Variants in CTNNA2 observed in about 807,000 individuals in gnomAD.
CTNNA2 encodes the protein catenin alpha 2, also known as catenin alpha-2.
CTNNA2 carries 42 observed loss-of-function variants against 101.0 expected under a neutral mutation model. That is an observed-to-expected ratio of 0.42 (90% CI 0.32 to 0.54). The LOEUF (loss-of-function observed/expected upper bound fraction) is 0.54. Among genes scored for constraint, CTNNA2 ranks in the 20% least tolerant of loss-of-function variants. CTNNA2 has a pLI of 0.14. For synonymous variants in CTNNA2, 450 were observed against 456.4 expected (o/e 0.99, Z 0.18); for missense variants, 871 against 1,223.1 (o/e 0.71, Z 4.29).
At chr2:80,419,015 T>C (rs1423927721) in intron 8 of CTNNA2, among the ~76,000 whole-genome samples, 1 of 152,222 alleles carries the variant, frequency 6.6e-6, no homozygotes, top group Non-Finnish European at 1.5e-5. Context: ...GGCAGGAGAC[T>C]GCACAGTGGC....
chr2:80,449,964 T>A (rs1488857946), intron 9 of CTNNA2, among the ~76,000 whole-genome samples: 1 of 152,254 alleles, frequency 6.6e-6, no homozygotes, highest in Non-Finnish European at 1.5e-5. Context: ...TGATTGTGGT[T>A]GAATTTCCTG....
chr2:80,208,000 A>G (rs940905130), intron 7 of CTNNA2, among the ~76,000 whole-genome samples: 2 of 152,228 alleles, frequency 1.3e-5, no homozygotes, highest in South Asian at 2.1e-4. Context: ...AGATGAAATA[A>G]GAACTGAAAT....
In CTNNA2 at chr2:80,239,510, TA is replaced by T. The variant is rs112850671; in HGVS notation, c.1057-153700del. 7.7e-3 allele frequency among the ~76,000 whole-genome samples: 1,180 copies of T among 152,300 alleles called. 19 individuals carry two copies. Among genetic ancestry groups the T allele is most frequent in the African/African-American group, 0.027 (1,112 of 41,548 alleles). The stretch of plus-strand genomic sequence containing the variant: ...AAGCCCCGCAGTGGAGGTCTAATAG[TA>T]CACTGTTTTTTTTCTATACACTATT... On this transcript the variant is annotated intron_variant, in intron 7 of 18. Coordinates refer to ENST00000402739, the MANE Select transcript of CTNNA2 (RefSeq NM_001282597.3).
At chr2:80,600,672 AT>A (rs1480906361) in intron 15 of CTNNA2, among the ~76,000 whole-genome samples, 1 of 152,178 alleles carries the variant, frequency 6.6e-6, no homozygotes, top group Non-Finnish European at 1.5e-5. Context: ...AAGTAAATAC[AT>A]TTTAACGTCT....
intron 4 of CTNNA2, among the ~76,000 whole-genome samples, chr2:79,468,902 C>T (rs1255394937): frequency 6.6e-6 from 1 of 152,146 alleles, no homozygotes. Context: ...AAATTTATAG[C>T]ACTAAATACC....
chr2:79,374,574 T>C (rs1677944212), intron 4 of CTNNA2, among the ~76,000 whole-genome samples: 1 of 152,186 alleles, frequency 6.6e-6, no homozygotes, highest in Non-Finnish European at 1.5e-5. Flanking sequence ...TCTATTATTC[T>C]GAGCAATAGA....
intron 7 of CTNNA2, among the ~76,000 whole-genome samples, chr2:80,350,582 C>T (rs934366357): frequency 1.3e-5 from 2 of 152,146 alleles, no homozygotes; most frequent in African/African-American, 4.8e-5. Context: ...TTGAATGAAC[C>T]TCTCCAAGTA....
In CTNNA2 at chr2:79,949,933, T is replaced by C. The variant is rs137877292; in HGVS notation, c.1056+40136T>C. On this transcript the variant is annotated intron_variant, in intron 7 of 18. Transcript: ENST00000402739. ...TATATTAACTGTAATTGTTGGAGGA[T>C]TGATTTTTTTCTGAACGTTTATAGA... Among the ~76,000 whole-genome samples the C allele has an allele frequency of 2.0e-5, 3 of 152,336 alleles. No individual in the cohort carries two copies. In the East Asian group the frequency reaches 5.8e-4, roughly 29 times the overall value.
chr2:80,180,844 G>C (rs1705732547), intron 7 of CTNNA2, among the ~76,000 whole-genome samples: 1 of 152,072 alleles, frequency 6.6e-6, no homozygotes, highest in African/African-American at 2.4e-5. Flanking sequence ...GCTCACAGTG[G>C]CTTTTGATCT....
chr2:79,850,629 G>A (rs1029081978), intron 3 of CTNNA2, among the ~76,000 whole-genome samples: 2 of 152,116 alleles, frequency 1.3e-5, no homozygotes, highest in Non-Finnish European at 2.9e-5. Flanking sequence ...AGGATAGACC[G>A]CAGAGCCAGA....
intron 9 of CTNNA2, among the ~76,000 whole-genome samples, chr2:80,488,739 A>G (rs1380877417): frequency 6.6e-6 from 1 of 152,218 alleles, no homozygotes; most frequent in Non-Finnish European, 1.5e-5. Context: ...ATCCCACTTT[A>G]TAGTCATAGA....
At chr2:79,191,361 C>G (rs11126702) in intron 1 of CTNNA2, among the ~76,000 whole-genome samples, 1 of 151,956 alleles carries the variant, frequency 6.6e-6, no homozygotes, top group Non-Finnish European at 1.5e-5. Context: ...CTGACACTTC[C>G]TTAAAGGGCA....
At chr2:80,176,503 A>G (rs1001740980) in intron 7 of CTNNA2, among the ~76,000 whole-genome samples, 2 of 152,226 alleles carry the variant, frequency 1.3e-5, no homozygotes, top group African/African-American at 2.4e-5. Flanking sequence ...ACCTTCTTCT[A>G]CTACCTATTC....
At chr2:79,556,378 C>A (rs1674445595) in intron 1 of CTNNA2, among the ~76,000 whole-genome samples, 1 of 151,986 alleles carries the variant, frequency 6.6e-6, no homozygotes, top group African/African-American at 2.4e-5. Flanking sequence ...ACCTCCCTAG[C>A]AGAATGCAGC....
chr2:80,362,195 T>G lies in CTNNA2; in HGVS notation c.1057-31016T>G, dbSNP rs965059051. ...TGGTTGATAAGGATGCTTTCTTCCTTGATAACATTTCAAAGAGATAGTTCC... is the reference window on the plus strand; with the variant it reads ...TGGTTGATAAGGATGCTTTCTTCCTGGATAACATTTCAAAGAGATAGTTCC... On this transcript the variant is annotated intron_variant, in intron 7 of 18. Coordinates refer to ENST00000402739, the MANE Select transcript of CTNNA2 (RefSeq NM_001282597.3). Among the ~76,000 whole-genome samples, 5 of 152,136 alleles carry G rather than the reference T, an allele frequency of 3.3e-5. No individual in the cohort carries two copies. In the South Asian group the frequency reaches 8.3e-4, roughly 25 times the overall value.
chr2:79,969,133 G>A (rs1329172065), intron 7 of CTNNA2, among the ~76,000 whole-genome samples: 1 of 152,084 alleles, frequency 6.6e-6, no homozygotes, highest in Non-Finnish European at 1.5e-5. Flanking sequence ...AAATTATGCT[G>A]GCTTTCCTTG....
intron 7 of CTNNA2, among the ~76,000 whole-genome samples, chr2:80,238,144 C>G (rs1709644163): frequency 6.6e-6 from 1 of 152,156 alleles, no homozygotes; most frequent in Non-Finnish European, 1.5e-5. Context: ...ATAGTGCATT[C>G]TCACAAGGAG....
intron 9 of CTNNA2, among the ~76,000 whole-genome samples, chr2:80,428,612 TCA>T (rs1189817869): frequency 1.3e-5 from 2 of 152,214 alleles, no homozygotes; most frequent in Non-Finnish European, 2.9e-5. Context: ...AGACTGTTTC[TCA>T]GTTGGCTCTG....
At chr2:80,194,979 T>G (rs1706743386) in intron 7 of CTNNA2, among the ~76,000 whole-genome samples, 1 of 152,138 alleles carries the variant, frequency 6.6e-6, no homozygotes, top group Admixed American at 6.5e-5. Context: ...ATAATGGCTT[T>G]AATGAAAAAA....
Sources: gnomAD v4.1 joint callset for allele counts (sites outside exome capture counted in the v4.1 genomes callset) on GRCh38, gnomAD v4.1.1 for gene constraint, MANE v1.5 for transcripts, NCBI Gene and HGNC (gene_info 2026-07-23, HGNC 2026-07-21) for gene names.